RAPGEF6: variants seen among roughly 807,000 people sequenced by gnomAD.
The protein encoded by RAPGEF6 is Rap guanine nucleotide exchange factor 6.
In RAPGEF6, 56 loss-of-function variants were observed where a neutral mutation model predicts 171.4. The observed-to-expected ratio is 0.33, with a 90% CI of 0.26 to 0.41. The LOEUF (loss-of-function observed/expected upper bound fraction) is 0.41, where lower values mean the gene tolerates loss of function less well. Among genes scored for constraint, RAPGEF6 ranks in the 10% least tolerant of loss-of-function variants. The pLI is 1.00. For missense variants in RAPGEF6, 1,674 were observed against 1,921.4 expected (o/e 0.87, Z 2.41); for synonymous variants, 692 against 650.1 (o/e 1.06, Z -0.98).
chr5:131,431,705 G>C (rs2149805633), intron 25 of RAPGEF6, among the ~76,000 whole-genome samples: 1 of 151,852 alleles, frequency 6.6e-6, no homozygotes, highest in East Asian at 1.9e-4. Context: ...ATGCACTGCA[G>C]CTTTTAACTC....
chr5:131,507,059 G>A (rs1330607490), intron 9 of RAPGEF6, among the ~76,000 whole-genome samples: 3 of 149,806 alleles, frequency 2.0e-5, no homozygotes, highest in African/African-American at 7.3e-5. Flanking sequence ...AAAATAATTT[G>A]GATACCTATA....
At chr5:131,519,498 C>T (rs1172840540) in intron 7 of RAPGEF6, among the ~76,000 whole-genome samples, 1 of 152,054 alleles carries the variant, frequency 6.6e-6, no homozygotes, top group Non-Finnish European at 1.5e-5. Flanking sequence ...GCCTCCTGGG[C>T]TCAAGCAATT....
chr5:131,598,015 A>G (rs377717677), intron 3 of RAPGEF6, among the ~76,000 whole-genome samples: 1 of 152,210 alleles, frequency 6.6e-6, no homozygotes, highest in Non-Finnish European at 1.5e-5. Context: ...AAAAGTTAAA[A>G]AAAGTATCAA....
At position 131,455,932 on chromosome 5, in the gene RAPGEF6, T is replaced by C; in HGVS notation, c.2945A>G (p.Asp982Gly). ...LPSKYEKHLQ[D>G]LQDIFDPSRN... ...AGATGGATCAAAAATGTCTTGTAGA[T>C]CTTGAAGATGTTTCTCGTATTTGCT... is the stretch of plus-strand genomic sequence containing the variant. The change falls in exon 20 of 28, where the codon GAT (aspartate) becomes GGT (glycine). Residue 982 changes from aspartate (D) to glycine (G), a missense_variant. This residue lies in a region of RAPGEF6 where 1,116 missense variants were observed against 1,321.5 expected (regional missense o/e 0.84). Transcript: ENST00000509018. 6.2e-7 allele frequency: 1 copy of C among 1,614,112 alleles called. No homozygotes were observed. The highest frequency in any genetic ancestry group is 8.5e-7 in the Non-Finnish European group (1 of 1,180,000).
chr5:131,483,925 C>T (rs1755682443), intron 15 of RAPGEF6, among the ~76,000 whole-genome samples: 2 of 151,454 alleles, frequency 1.3e-5, no homozygotes, highest in African/African-American at 4.9e-5. Context: ...ACAGTGAAAC[C>T]CCGTCTCTAC....
intron 9 of RAPGEF6, among the ~76,000 whole-genome samples, chr5:131,506,994 T>C (rs919326459): frequency 6.6e-6 from 1 of 151,554 alleles, no homozygotes; most frequent in Admixed American, 6.6e-5. Context: ...GGAGAAAATA[T>C]GTAAACAGAG....
chr5:131,479,058 T>TA (rs1455567567), intron 16 of RAPGEF6, among the ~76,000 whole-genome samples: 2 of 152,012 alleles, frequency 1.3e-5, no homozygotes, highest in African/African-American at 4.8e-5. Context: ...AATCTTCAAG[T>TA]ATTACTAAGT....
chr5:131,542,515 G>C (rs1027263634), intron 6 of RAPGEF6, among the ~76,000 whole-genome samples: 11 of 152,156 alleles, frequency 7.2e-5, no homozygotes, highest in Non-Finnish European at 1.6e-4. Flanking sequence ...TATACTCTAA[G>C]GTTACAATTA....
chr5:131,606,916 C>CA, intron 1 of RAPGEF6, among the ~76,000 whole-genome samples: 1 of 152,246 alleles, frequency 6.6e-6, no homozygotes, highest in Non-Finnish European at 1.5e-5. Flanking sequence ...AGAATGATCC[C>CA]AATTGAGGCT....
intron 1 of RAPGEF6, among the ~76,000 whole-genome samples, chr5:131,617,245 G>A (rs1242813958): frequency 6.6e-6 from 1 of 152,026 alleles, no homozygotes; most frequent in Admixed American, 6.6e-5. Context: ...AGAAGTAGGA[G>A]GCCAATCTGG....
intron 5 of RAPGEF6, among the ~76,000 whole-genome samples, chr5:131,549,822 A>G (rs75544080): frequency 0.077 from 11,654 of 152,182 alleles, 609 homozygotes; most frequent in East Asian, 0.2. Flanking sequence ...GCACTCAGGT[A>G]TTAAGCCTAG....
At chr5:131,628,273 C>CA (rs1766070766) in intron 1 of RAPGEF6, among the ~76,000 whole-genome samples, 1 of 148,318 alleles carries the variant, frequency 6.7e-6, no homozygotes, top group Non-Finnish European at 1.5e-5. Context: ...CTTTAGTGAA[C>CA]AAAAAAATGA....
At chr5:131,549,361 C>T (rs541681034) in intron 5 of RAPGEF6, among the ~76,000 whole-genome samples, 2 of 152,210 alleles carry the variant, frequency 1.3e-5, no homozygotes, top group South Asian at 2.1e-4. Flanking sequence ...CCCACCCAAA[C>T]ACAGTGGTGC....
At chr5:131,564,672 A>C (rs1411108883) in intron 4 of RAPGEF6, among the ~76,000 whole-genome samples, 1 of 152,220 alleles carries the variant, frequency 6.6e-6, no homozygotes, top group East Asian at 1.9e-4. Flanking sequence ...CAAGAGAAAA[A>C]AACAACCAAT....
At position 131,472,600 on chromosome 5, in the gene RAPGEF6, A is replaced by G. The variant is rs9327613; in HGVS notation, c.2226T>C (p.Phe742=). 51,435 of 1,613,790 alleles carry G rather than the reference A, an allele frequency of 0.032. 1,291 individuals carry two copies. Among genetic ancestry groups the G allele is most frequent in the African/African-American group, 0.12 (9,261 of 74,984 alleles). The part of the protein sequence containing the change: ...LLQPTTSMLD[F]SNPSDIPDQV... The stretch of plus-strand genomic sequence containing the variant: ...TATGAAAATTACCTGAAGGATTGGA[A>G]AAATCCAACATACTGGTGGTAGGCT... The change falls in exon 17 of 28, where the codon TTT becomes TTC. Residue 742 remains phenylalanine (F), a synonymous_variant. Transcript: ENST00000509018.
chr5:131,463,432 C>T (rs543003447), intron 18 of RAPGEF6, among the ~76,000 whole-genome samples: 1 of 151,876 alleles, frequency 6.6e-6, no homozygotes, highest in Non-Finnish European at 1.5e-5. Flanking sequence ...TACAAAAATT[C>T]GCCAGGCATG....
chr5:131,521,871 ACACACACACACACACACACACTCTCT>A (rs1245437781), intron 6 of RAPGEF6, among the ~76,000 whole-genome samples: 3 of 122,906 alleles, frequency 2.4e-5, no homozygotes, highest in Non-Finnish European at 5.1e-5. Context: ...ACACACACAC[ACACACACACACACACACACACTCTCT>A]CTCTCTCTCA....
At chr5:131,537,593 T>G (rs541468493) in intron 6 of RAPGEF6, among the ~76,000 whole-genome samples, 1 of 152,224 alleles carries the variant, frequency 6.6e-6, no homozygotes, top group South Asian at 2.1e-4. Flanking sequence ...ATATTAATAT[T>G]GAAAGTAATG....
chr5:131,463,587 A>AAAC, intron 18 of RAPGEF6: 1 of 688,030 alleles, frequency 1.5e-6, no homozygotes. Context: ...TCAAAAAAAA[A>AAAC]AAAAAAAACC....
Sources: allele counts gnomAD v4.1 joint callset (sites outside exome capture counted in the v4.1 genomes callset), GRCh38; gene constraint gnomAD v4.1.1; regional missense constraint gnomAD v4.1.1; transcripts MANE v1.5; gene names NCBI Gene and HGNC (gene_info 2026-07-23, HGNC 2026-07-21).